Variants in FHDC1 observed in about 807,000 individuals in gnomAD.
FHDC1 encodes the protein FH2 domain containing 1, also known as FH2 domain-containing protein 1.
A neutral mutation model predicts 52.6 loss-of-function variants in FHDC1; 25 were observed. The observed-to-expected ratio is 0.48, with a 90% CI of 0.35 to 0.66. FHDC1 has a LOEUF of 0.66. Ranked by LOEUF, FHDC1 falls within the 30% of genes least tolerant of loss-of-function variation. The probability of loss-of-function intolerance (pLI) is 0.01; values close to 1 mark genes in which losing one functional copy is unlikely to be tolerated. For missense variants in FHDC1, 1,459 were observed against 1,452.8 expected (o/e 1.00, Z -0.07); for synonymous variants, 616 against 581.5 (o/e 1.06, Z -0.85).
At chr4:152,912,529 A>G in the FHDC1 span, among the ~76,000 whole-genome samples, 4 of 152,330 alleles carry the variant, frequency 2.6e-5, no homozygotes, top group Non-Finnish European at 4.4e-5. Flanking sequence ...AAAACTTTGT[A>G]ATATATTGCC....
chr4:152,930,993 A>ACT, the FHDC1 span, among the ~76,000 whole-genome samples: 2 of 143,228 alleles, frequency 1.4e-5, no homozygotes, highest in Non-Finnish European at 3.0e-5. Context: ...ACACACACAC[A>ACT]CACACTCTCT....
chr4:152,928,150 T>A, the FHDC1 span: 1 of 840,548 alleles, frequency 1.2e-6, no homozygotes, highest in Admixed American at 1.7e-5. Flanking sequence ...GCACCATCAA[T>A]GCCACCGGAA....
At position 152,959,752 on chromosome 4, in the gene FHDC1, T is replaced by C. The variant is rs116625364; in HGVS notation, c.664-813T>C. Among the ~76,000 whole-genome samples, 131 of 152,248 alleles carry C rather than the reference T, an allele frequency of 8.6e-4. 1 individual carries two copies. Among genetic ancestry groups the C allele is most frequent in the African/African-American group, 2.8e-3 (116 of 41,522 alleles). ...GTATGTAGGTGTGTGCATGGGAGGA[T>C]TGGAGGTTAATAGATACCTTTTAAA... On this transcript the variant is annotated intron_variant, in intron 4 of 11. Transcript: ENST00000511601.
rs1740940465 is a variant in FHDC1, at chr4:152,977,653, A to G, written c.*930A>G. ...TCTTTTGTAGAGATGGGATCTCACT[A>G]TGTTGCTCAGGCTGATCTCGAGCTC... On this transcript the variant is annotated 3_prime_UTR_variant, in exon 12 of 12. Transcript: ENST00000511601. The G allele has an allele frequency of 6.6e-6, 1 of 151,660 alleles. No individual in the cohort carries two copies. The highest frequency in any genetic ancestry group is 1.5e-5 in the Non-Finnish European group (1 of 67,946). 9.4% of individuals were successfully genotyped at this position (151,660 alleles called of 1,614,324 possible).
the FHDC1 span, among the ~76,000 whole-genome samples, chr4:152,930,696 T>G: frequency 6.6e-6 from 1 of 152,208 alleles, no homozygotes; most frequent in Non-Finnish European, 1.5e-5. Context: ...ATTATTTCTA[T>G]AAATCTGCTT....
rs149221149 is a variant in FHDC1 at position 152,960,581 on chromosome 4, C to T, written c.680C>T (p.Ala227Val). 95 of 1,613,768 alleles carry T rather than the reference C, an allele frequency of 5.9e-5. No homozygotes were observed. Among genetic ancestry groups the T allele is most frequent in the Admixed American group, 1.2e-4 (7 of 59,984 alleles). Residue 227 changes from alanine (A) to valine (V), a missense_variant, in exon 5 of 12, where the codon GCG becomes GTG. Around this residue, in one of 3 missense-constraint regions of FHDC1, gnomAD observed 513 missense variants for 581.5 expected, o/e 0.88. Transcript: ENST00000511601. ...GTCTTTTAGGTAAAGAAGTTAAAAG[C>T]GTTTAGTGGCGACGTGTCGAAGCTG... Reference protein sequence around the residue: ...PESEEVKKLKAFSGDVSKLSL... With the variant: ...PESEEVKKLKVFSGDVSKLSL...
Position 152,976,331 on chromosome 4 carries a change from AAAG to A in FHDC1, c.3045_3047del (p.Glu1016del), listed in dbSNP as rs781052582. On this transcript the variant is annotated inframe_deletion, in exon 12 of 12. Coordinates refer to ENST00000511601, the MANE Select transcript of FHDC1 (RefSeq NM_001371116.1). The stretch of plus-strand genomic sequence containing the variant: ...CCACTCCGAGGGCCCTGAGAGTCCC[AAAG>A]AAGAGCCCAAGACCCCGTCAGTGCC... 6.2e-6 allele frequency: 10 copies of A among 1,613,686 alleles called. No individual in the cohort carries two copies. The highest frequency in any genetic ancestry group is 4.5e-5 in the East Asian group (2 of 44,864).
intron 2 of FHDC1, among the ~76,000 whole-genome samples, chr4:152,950,526 C>T (rs977188885): frequency 1.3e-5 from 2 of 152,242 alleles, no homozygotes; most frequent in Non-Finnish European, 2.9e-5. Flanking sequence ...ACCCAATTCT[C>T]TTTGTTTCTG....
chr4:152,972,167 C>T (rs889101377), intron 10 of FHDC1, among the ~76,000 whole-genome samples: 2 of 152,106 alleles, frequency 1.3e-5, no homozygotes, highest in Non-Finnish European at 2.9e-5. Context: ...AGGTCTCACA[C>T]GGGACTTCAC....
the FHDC1 span, chr4:152,917,200 G>GT: frequency 3.9e-5 from 6 of 152,028 alleles, no homozygotes; most frequent in Non-Finnish European, 8.8e-5. Flanking sequence ...AATAATGATG[G>GT]TTTTTTCTGT....
chr4:152,926,384 C>A, the FHDC1 span, among the ~76,000 whole-genome samples: 3 of 151,620 alleles, frequency 2.0e-5, no homozygotes, highest in African/African-American at 4.8e-5. Context: ...AAAAAAAATT[C>A]TTTTAAATCT....
intron 2 of FHDC1, among the ~76,000 whole-genome samples, chr4:152,949,118 TAATAATAAGAAGAAG>T (rs1288210564): frequency 3.7e-3 from 277 of 75,836 alleles, no homozygotes; most frequent in African/African-American, 0.011. Context: ...ATAATAATAA[TAATAATAAGAAGAAG>T]AAGAAGAAGA....
At chr4:152,960,869 A>G in intron 6 of FHDC1, 25 bp downstream of exon 6, 1 of 1,513,962 alleles carries the variant, frequency 6.6e-7, no homozygotes, top group Non-Finnish European at 8.9e-7. Context: ...GATCCTTCGC[A>G]GAATTTGTTT....
chr4:152,964,969 C>T lies in FHDC1; in HGVS notation c.1094C>T (p.Thr365Ile). The change falls in exon 9 of 12, where the codon ACT (threonine) becomes ATT (isoleucine). Residue 365 changes from threonine (T) to isoleucine (I), a missense_variant. Coordinates refer to ENST00000511601, the MANE Select transcript of FHDC1 (RefSeq NM_001371116.1). ...GAAAAATTGCATCATGTTCAGAAGACTGCTAGGTGAGCAAGTGAATTGTGA... is the reference window on the plus strand; with the variant it reads ...GAAAAATTGCATCATGTTCAGAAGATTGCTAGGTGAGCAAGTGAATTGTGA... ...FSEKLHHVQK[T>I]ARLSLENTEA... The T allele has an allele frequency of 6.2e-7, 1 of 1,609,204 alleles. No individual in the cohort carries two copies. Among genetic ancestry groups the T allele is most frequent in the East Asian group, 2.2e-5 (1 of 44,748 alleles).
chr4:152,951,252 TATTA>T (rs1208620010), intron 2 of FHDC1, among the ~76,000 whole-genome samples: 1 of 152,250 alleles, frequency 6.6e-6, no homozygotes, highest in African/African-American at 2.4e-5. Context: ...CCTTTTAATT[TATTA>T]ATTCTAATGA....
Position 152,954,184 on chromosome 4 carries a change from G to A in FHDC1, c.561-33G>A, listed in dbSNP as rs1233205653. 3.8e-6 allele frequency: 6 copies of A among 1,581,508 alleles called. No individual in the cohort carries two copies. The South Asian group carries it at 4.4e-5, about 12-fold the overall frequency. ...CACCTCTGTTGGCACTCCAGCAAACGTGAAATGGAATGTGATTCATTGTCT... is the reference window on the plus strand; with the variant it reads ...CACCTCTGTTGGCACTCCAGCAAACATGAAATGGAATGTGATTCATTGTCT... On this transcript the variant is annotated intron_variant, in intron 3 of 11. Transcript: ENST00000511601.
Position 152,975,636 on chromosome 4 carries a change from C to T in FHDC1, c.2345C>T (p.Thr782Ile). ...TCGGACACCACCGACTGCTCACTGA[C>T]CCTGGACTGCTCAGAGGGAACCGAC... ...CISDTTDCSL[T>I]LDCSEGTDSR... Residue 782 changes from threonine to isoleucine, a missense_variant, in exon 12 of 12, where the codon ACC becomes ATC. Around this residue, in one of 3 missense-constraint regions of FHDC1, gnomAD observed 939 missense variants for 854.5 expected, o/e 1.10. Transcript: ENST00000511601. 5 of 1,613,680 alleles carry T rather than the reference C, an allele frequency of 3.1e-6. No individual in the cohort carries two copies. Among genetic ancestry groups the T allele is most frequent in the Non-Finnish European group, 4.2e-6 (5 of 1,180,026 alleles).
the FHDC1 span, chr4:152,917,084 G>C: frequency 2.6e-5 from 4 of 152,166 alleles, no homozygotes; most frequent in African/African-American, 9.7e-5. Flanking sequence ...CTGGATTACA[G>C]GTATGAGCCA....
rs114702135 is a variant in FHDC1, at chr4:152,950,798, C to T, written c.499-2701C>T. On this transcript the variant is annotated intron_variant, in intron 2 of 11. Coordinates refer to ENST00000511601, the MANE Select transcript of FHDC1 (RefSeq NM_001371116.1). ...ATGCAAGCACCATGCTGGTAGGGAACGTTTGCTACGTCTCTATAGGAAGCT... is the reference window on the plus strand; with the variant it reads ...ATGCAAGCACCATGCTGGTAGGGAATGTTTGCTACGTCTCTATAGGAAGCT... 6.2e-3 allele frequency among the ~76,000 whole-genome samples: 945 copies of T among 152,288 alleles called. 7 individuals carry two copies. Among genetic ancestry groups the T allele is most frequent in the African/African-American group, 0.022 (910 of 41,552 alleles).
Sources: allele counts gnomAD v4.1 joint callset (sites outside exome capture counted in the v4.1 genomes callset), GRCh38; gene constraint gnomAD v4.1.1; regional missense constraint gnomAD v4.1.1; transcripts MANE v1.5; gene names NCBI Gene and HGNC (gene_info 2026-07-23, HGNC 2026-07-21).